PCDH15: variants seen among roughly 807,000 people sequenced by gnomAD.
The protein encoded by PCDH15 is protocadherin related 15, also known as protocadherin-15.
A neutral mutation model predicts 178.5 loss-of-function variants in PCDH15; 129 were observed. That is an observed-to-expected ratio of 0.72 (90% CI 0.63 to 0.84). The LOEUF (loss-of-function observed/expected upper bound fraction) is 0.84. Among genes scored for constraint, PCDH15 ranks in the 40% least tolerant of loss-of-function variants. The pLI is 0.00. For synonymous variants in PCDH15, 800 were observed against 732.0 expected, an observed-to-expected ratio of 1.09 and a Z score of -1.50; for missense variants, 2,230 against 2,099.9, an observed-to-expected ratio of 1.06 and a Z score of -1.21.
chr10:54,391,587 G>GAA (rs112034818), intron 3 of PCDH15, among the ~76,000 whole-genome samples: 36 of 146,824 alleles, frequency 2.5e-4, no homozygotes, highest in South Asian at 8.6e-4. Context: ...ATTTCATCAG[G>GAA]AAAAAAAAAA....
At chr10:55,122,968 T>C (rs1244146921) in intron 2 of PCDH15, among the ~76,000 whole-genome samples, 5 of 152,038 alleles carry the variant, frequency 3.3e-5, no homozygotes, top group Non-Finnish European at 5.9e-5. Flanking sequence ...TAAATGTTCA[T>C]CAAAAGTGAA....
At chr10:55,375,319 G>A (rs759022066) in intron 2 of PCDH15, among the ~76,000 whole-genome samples, 12 of 152,028 alleles carry the variant, frequency 7.9e-5, no homozygotes, top group Non-Finnish European at 1.6e-4. Flanking sequence ...ATTTTTAAGT[G>A]ATTTTTTTTC....
intron 2 of PCDH15, among the ~76,000 whole-genome samples, chr10:55,121,478 C>A (rs1400265575): frequency 1.3e-5 from 2 of 151,800 alleles, no homozygotes; most frequent in Non-Finnish European, 2.9e-5. Context: ...ACTTTTAGGG[C>A]TATTGGGATG....
chr10:53,809,475 T>A (rs1383585871), intron 37 of PCDH15: 1 of 1,613,946 alleles, frequency 6.2e-7, no homozygotes, highest in Non-Finnish European at 8.5e-7. Flanking sequence ...TTTCGATAGT[T>A]ACAACTACTT....
At chr10:54,790,531 G>T (rs1036198332) in intron 1 of PCDH15, among the ~76,000 whole-genome samples, 4 of 151,646 alleles carry the variant, frequency 2.6e-5, no homozygotes, top group Admixed American at 2.0e-4. Context: ...AACCTTCTTT[G>T]CAGGCTGCTT....
At chr10:53,990,911 G>A (rs140917088) in intron 21 of PCDH15, among the ~76,000 whole-genome samples, 376 of 152,096 alleles carry the variant, frequency 2.5e-3, no homozygotes, top group Non-Finnish European at 3.4e-3. Context: ...CCGAGCGGCC[G>A]TCTGGCGCCA....
chr10:54,855,582 G>GC (rs1953726667), intron 3 of PCDH15, among the ~76,000 whole-genome samples: 1 of 152,206 alleles, frequency 6.6e-6, no homozygotes, highest in Admixed American at 6.5e-5. Flanking sequence ...ATTGCTCTCA[G>GC]ATGAATTCTA....
chr10:54,840,570 G>A (rs1389976921), intron 3 of PCDH15, among the ~76,000 whole-genome samples: 3 of 151,496 alleles, frequency 2.0e-5, no homozygotes, highest in African/African-American at 4.8e-5. Flanking sequence ...TAACAGAATG[G>A]CAAAACTAAG....
chr10:53,815,857 A>G (rs998970615), intron 35 of PCDH15, among the ~76,000 whole-genome samples: 10 of 152,200 alleles, frequency 6.6e-5, no homozygotes, highest in African/African-American at 2.4e-4. Context: ...AAGTACAGAT[A>G]TCAGCATTCT....
chr10:55,184,920 GGATT>G (rs1301531604), intron 1 of PCDH15, among the ~76,000 whole-genome samples: 4 of 151,726 alleles, frequency 2.6e-5, no homozygotes, highest in South Asian at 2.1e-4. Flanking sequence ...TTTTAATAAT[GGATT>G]GATTATTTCA....
intron 2 of PCDH15, among the ~76,000 whole-genome samples, chr10:54,537,026 C>T (rs1218824853): frequency 3.9e-4 from 35 of 89,324 alleles, no homozygotes; most frequent in African/African-American, 1.6e-3. Context: ...TTTGAGACGG[C>T]GTCTCTCTCT....
chr10:54,343,739 T>C (rs773486882), intron 6 of PCDH15, among the ~76,000 whole-genome samples: 2 of 151,936 alleles, frequency 1.3e-5, no homozygotes, highest in Non-Finnish European at 2.9e-5. Flanking sequence ...GGCACATGTA[T>C]ACATATGTAA....
chr10:53,883,794 C>A (rs1331208644), intron 26 of PCDH15, among the ~76,000 whole-genome samples: 2 of 152,176 alleles, frequency 1.3e-5, no homozygotes, highest in African/African-American at 4.8e-5. Context: ...TGGCTCACCA[C>A]CACCTCCGCC....
At chr10:54,826,477 A>G (rs1479515922) in intron 3 of PCDH15, among the ~76,000 whole-genome samples, 1 of 151,940 alleles carries the variant, frequency 6.6e-6, no homozygotes, top group Non-Finnish European at 1.5e-5. Flanking sequence ...GAAATAATTT[A>G]TGGTTCTATT....
chr10:55,489,195 A>G (rs1329049620), intron 2 of PCDH15, among the ~76,000 whole-genome samples: 2 of 151,582 alleles, frequency 1.3e-5, no homozygotes, highest in Non-Finnish European at 3.0e-5. Flanking sequence ...AAATTTAGTT[A>G]TAAGATTAAA....
chr10:54,141,783 T>C (rs897188746), intron 14 of PCDH15, among the ~76,000 whole-genome samples: 1 of 152,194 alleles, frequency 6.6e-6, no homozygotes, highest in African/African-American at 2.4e-5. Context: ...TATGCACAAG[T>C]GTTGCACTGG....
In PCDH15 at chr10:54,699,319, C is replaced by T. The variant is rs576431445; in HGVS notation, c.-28-35029G>A. Among the ~76,000 whole-genome samples the T allele has an allele frequency of 5.3e-5, 8 of 151,778 alleles. No individual in the cohort carries two copies. In the South Asian group the frequency reaches 6.2e-4, roughly 12 times the overall value. On this transcript the variant is annotated intron_variant, in intron 1 of 37. Transcript: ENST00000644397. ...CCTCAAATTATTAGTTCATATGTTA[C>T]GGAAGAAAATGTTTGCCACATTTCT...
chr10:55,200,747 T>A (rs935963846), intron 1 of PCDH15, among the ~76,000 whole-genome samples: 18 of 152,064 alleles, frequency 1.2e-4, no homozygotes, highest in Non-Finnish European at 2.9e-5. Context: ...TCCTCCTTGC[T>A]GTTCTGATGA....
intron 2 of PCDH15, among the ~76,000 whole-genome samples, chr10:55,418,835 T>C (rs764575113): frequency 7.2e-5 from 11 of 151,784 alleles, no homozygotes; most frequent in Non-Finnish European, 1.3e-4. Context: ...ATTTTTGAAA[T>C]GTTGGAGGCA....
Sources: gnomAD v4.1 joint callset for allele counts (sites outside exome capture counted in the v4.1 genomes callset) on GRCh38, gnomAD v4.1.1 for gene constraint, MANE v1.5 for transcripts, NCBI Gene and HGNC (gene_info 2026-07-23, HGNC 2026-07-21) for gene names.